IREB2: variants seen among roughly 807,000 people sequenced by gnomAD.
The protein encoded by IREB2 is iron responsive element binding protein 2.
A neutral mutation model predicts 118.8 loss-of-function variants in IREB2; 39 were observed. That is an observed-to-expected ratio of 0.33 (90% CI 0.25 to 0.43). The LOEUF (loss-of-function observed/expected upper bound fraction) is 0.43, where lower values mean the gene tolerates loss of function less well. Ranked by LOEUF, IREB2 falls within the 20% of genes least tolerant of loss-of-function variation. IREB2 has a pLI of 1.00. For synonymous variants in IREB2, 372 were observed against 392.2 expected (o/e 0.95, Z 0.61); for missense variants, 900 against 1,147.3 (o/e 0.78, Z 3.11).
chr15:78,471,026 A>G (rs2051368277), intron 6 of IREB2: 1 of 150,446 alleles, frequency 6.6e-6, no homozygotes, highest in South Asian at 2.1e-4. Context: ...TTATTTATTT[A>G]TTTTTGAGGA....
intron 2 of IREB2, among the ~76,000 whole-genome samples, chr15:78,454,698 T>G (rs547883264): frequency 2.6e-5 from 4 of 152,194 alleles, no homozygotes; most frequent in Non-Finnish European, 5.9e-5. Flanking sequence ...AGGACTTGTT[T>G]TATTATTTAT....
intron 1 of IREB2, 34 bp from the exon 2 acceptor site, chr15:78,439,761 G>C (rs771534134): frequency 1.0e-5 from 12 of 1,150,470 alleles, no homozygotes; most frequent in Non-Finnish European, 1.4e-5. Context: ...ATATTTTGTT[G>C]CTGCATTTAA....
chr15:78,459,338 T>G (rs1349708690), intron 2 of IREB2, among the ~76,000 whole-genome samples: 1 of 140,152 alleles, frequency 7.1e-6, no homozygotes, highest in Non-Finnish European at 1.7e-5. Context: ...TTTTGTTTGT[T>G]TGTTTTGGTT....
chr15:78,479,139 TGGGC>T lies in IREB2; in HGVS notation c.1296+743_1296+746del, dbSNP rs1293073620. 2.6e-5 allele frequency among the ~76,000 whole-genome samples: 4 copies of T among 152,136 alleles called. No individual in the cohort carries two copies. In the East Asian group the frequency reaches 7.7e-4, roughly 29 times the overall value. On this transcript the variant is annotated intron_variant, in intron 10 of 21. Transcript: ENST00000258886. ...TTTAATATTATTATTTTTTGGACCCTGGGCAGGGTCTCATTTTATTTTACTGCCC... is the reference window on the plus strand; with the variant it reads ...TTTAATATTATTATTTTTTGGACCCTAGGGTCTCATTTTATTTTACTGCCC...
At chr15:78,491,715 A>G (rs1490664410) in intron 18 of IREB2, among the ~76,000 whole-genome samples, 1 of 151,996 alleles carries the variant, frequency 6.6e-6, no homozygotes, top group East Asian at 1.9e-4. Context: ...TCAGGCTGGT[A>G]TCAAACTCCT....
intron 16 of IREB2, among the ~76,000 whole-genome samples, chr15:78,489,787 A>T (rs927858528): frequency 6.6e-6 from 1 of 152,224 alleles, no homozygotes; most frequent in Non-Finnish European, 1.5e-5. Context: ...TTGGGTTTAC[A>T]GGCGTGAGCC....
intron 17 of IREB2, 36 bp downstream of exon 17, chr15:78,490,562 T>C (rs756995228): frequency 5.0e-6 from 8 of 1,604,498 alleles, no homozygotes; most frequent in Non-Finnish European, 6.0e-6. Context: ...TTTTAAAGAT[T>C]GTTATAAACT....
At chr15:78,454,829 G>A (rs2051080022) in intron 2 of IREB2, among the ~76,000 whole-genome samples, 1 of 152,112 alleles carries the variant, frequency 6.6e-6, no homozygotes, top group African/African-American at 2.4e-5. Context: ...TAGTAGTTAG[G>A]ATCACAGGTG....
chr15:78,472,832 C>T (rs1398245707), intron 7 of IREB2, among the ~76,000 whole-genome samples: 1 of 152,156 alleles, frequency 6.6e-6, no homozygotes, highest in Non-Finnish European at 1.5e-5. Flanking sequence ...CAGTGTACCT[C>T]ACTTTGTAAG....
intron 8 of IREB2, 35 bp from the exon 9 acceptor site, chr15:78,476,153 A>G (rs1489879110): frequency 2.0e-6 from 3 of 1,473,094 alleles, no homozygotes; most frequent in Non-Finnish European, 2.7e-6. Context: ...TTATCTTTGC[A>G]ATTTTGTATG....
chr15:78,488,358 T>C (rs944446450), intron 15 of IREB2, 22 bp downstream of exon 15: 2 of 1,545,168 alleles, frequency 1.3e-6, no homozygotes, highest in Non-Finnish European at 1.7e-6. Context: ...TTTATGTATA[T>C]GTATACCTAC....
At chr15:78,449,396 C>G (rs2050985708) in intron 2 of IREB2, among the ~76,000 whole-genome samples, 1 of 152,098 alleles carries the variant, frequency 6.6e-6, no homozygotes, top group African/African-American at 2.4e-5. Flanking sequence ...GCAGGGGTTG[C>G]AAGCTCATGT....
chr15:78,485,530 A>T (rs1425989955), intron 12 of IREB2, among the ~76,000 whole-genome samples, 175 bp from the exon 13 acceptor site: 1 of 152,386 alleles, frequency 6.6e-6, no homozygotes, highest in East Asian at 1.9e-4. Flanking sequence ...CTGTAATTTT[A>T]AATTTGTTGT....
intron 2 of IREB2, among the ~76,000 whole-genome samples, chr15:78,462,110 C>G (rs188918139): frequency 2.1e-4 from 32 of 152,112 alleles, no homozygotes; most frequent in Non-Finnish European, 1.2e-4. Flanking sequence ...TTTAAACTCT[C>G]TTTCTTACAG....
chr15:78,468,438 A>T (rs1045405423), intron 5 of IREB2, among the ~76,000 whole-genome samples: 1 of 151,346 alleles, frequency 6.6e-6, no homozygotes, highest in African/African-American at 2.4e-5. Context: ...TGGGGTAGAG[A>T]TGGGCACTAT....
chr15:78,488,259 A>G lies in IREB2; in HGVS notation c.1874A>G (p.Tyr625Cys). Reference protein sequence around the residue: ...GRLCDCVRANYLASPPLVVAY... With the variant: ...GRLCDCVRANCLASPPLVVAY... Reference sequence around the variant, plus strand: ...CTTTGTGATTGTGTTCGTGCCAATTATCTTGCCTCTCCACCCTTAGTGGTA... The same window carrying G: ...CTTTGTGATTGTGTTCGTGCCAATTGTCTTGCCTCTCCACCCTTAGTGGTA... Residue 625 changes from tyrosine (Y) to cysteine (C), a missense_variant, in exon 15 of 22, where the codon TAT (tyrosine) becomes TGT (cysteine). Tyr to Cys is a radical substitution (Grantham distance 194). Transcript: ENST00000258886. 6.2e-7 allele frequency: 1 copy of G among 1,612,482 alleles called. No individual in the cohort carries two copies. Among genetic ancestry groups the G allele is most frequent in the Non-Finnish European group, 8.5e-7 (1 of 1,179,558 alleles).
At chr15:78,463,520 G>GT (rs1325544233) in intron 3 of IREB2, among the ~76,000 whole-genome samples, 1 of 151,484 alleles carries the variant, frequency 6.6e-6, no homozygotes, top group Non-Finnish European at 1.5e-5. Flanking sequence ...GTTTTTGTTT[G>GT]TTTTTTTAAG....
chr15:78,463,589 T>C (rs763993026), intron 3 of IREB2, among the ~76,000 whole-genome samples: 1 of 152,240 alleles, frequency 6.6e-6, no homozygotes, highest in Non-Finnish European at 1.5e-5. Context: ...CATTAAAAAT[T>C]AGGCACTGTT....
chr15:78,448,443 C>A (rs2141453492), intron 2 of IREB2, among the ~76,000 whole-genome samples: 1 of 152,178 alleles, frequency 6.6e-6, no homozygotes, highest in African/African-American at 2.4e-5. Flanking sequence ...TCACGCCGGG[C>A]CCAATGGCAA....
Sources: allele counts gnomAD v4.1 joint callset (sites outside exome capture counted in the v4.1 genomes callset), GRCh38; gene constraint gnomAD v4.1.1; transcripts MANE v1.5; gene names NCBI Gene and HGNC (gene_info 2026-07-23, HGNC 2026-07-21).